The following SEMA5A variants were observed in gnomAD, a reference collection of about 807,000 sequenced individuals.
The protein encoded by SEMA5A is semaphorin-5A.
In SEMA5A, 55 loss-of-function variants were observed where a neutral mutation model predicts 135.5. That is an observed-to-expected ratio of 0.41 (90% CI 0.33 to 0.51). The LOEUF is 0.51. SEMA5A is among the 20% of genes least tolerant of loss of function. The probability of loss-of-function intolerance (pLI) is 0.37; values close to 1 mark genes in which losing one functional copy is unlikely to be tolerated. For synonymous variants in SEMA5A, 580 were observed against 546.5 expected (o/e 1.06, Z -0.85); for missense variants, 1,290 against 1,419.9 (o/e 0.91, Z 1.47).
chr5:9,374,747 C>T (rs1340914324), intron 3 of SEMA5A, among the ~76,000 whole-genome samples: 1 of 152,034 alleles, frequency 6.6e-6, no homozygotes. Flanking sequence ...CCTGCCTACC[C>T]CTCTTCAGCC....
At chr5:9,325,706 G>A (rs546980324) in intron 4 of SEMA5A, among the ~76,000 whole-genome samples, 20 of 152,180 alleles carry the variant, frequency 1.3e-4, no homozygotes, top group African/African-American at 4.8e-4. Flanking sequence ...ATTTCATCTA[G>A]AGACACTATA....
chr5:9,159,272 A>G (rs114405990), intron 11 of SEMA5A, among the ~76,000 whole-genome samples: 2 of 152,344 alleles, frequency 1.3e-5, no homozygotes, highest in African/African-American at 2.4e-5. Context: ...GATTATAACA[A>G]TGGACTCCAC....
intron 16 of SEMA5A, among the ~76,000 whole-genome samples, chr5:9,085,924 C>T (rs1300003684): frequency 6.6e-6 from 1 of 152,198 alleles, no homozygotes. Flanking sequence ...GGAAACCCAC[C>T]TCTTGCATCA....
At chr5:9,192,155 C>T (rs987618474) in intron 10 of SEMA5A, among the ~76,000 whole-genome samples, 5 of 152,200 alleles carry the variant, frequency 3.3e-5, no homozygotes, top group Non-Finnish European at 5.9e-5. Context: ...GGGCTCAGCC[C>T]TGCCATGACC....
chr5:9,510,033 ACT>A (rs1431281079), intron 1 of SEMA5A, among the ~76,000 whole-genome samples: 1 of 152,116 alleles, frequency 6.6e-6, no homozygotes, highest in Non-Finnish European at 1.5e-5. Context: ...CTAGGGAAGG[ACT>A]CTCTGGTGAG....
chr5:9,086,395 GT>G (rs1045926814), intron 16 of SEMA5A, among the ~76,000 whole-genome samples: 5 of 150,814 alleles, frequency 3.3e-5, no homozygotes, highest in Non-Finnish European at 5.9e-5. Context: ...ATGGAGGTGG[GT>G]TTTTTTCCTG....
At chr5:9,485,244 C>A (rs1226924490) in intron 1 of SEMA5A, among the ~76,000 whole-genome samples, 1 of 149,518 alleles carries the variant, frequency 6.7e-6, no homozygotes, top group South Asian at 2.1e-4. Context: ...CTCCCACCCC[C>A]AGGCCCTGGA....
At chr5:9,480,264 G>A (rs1759825923) in intron 1 of SEMA5A, among the ~76,000 whole-genome samples, 1 of 152,142 alleles carries the variant, frequency 6.6e-6, no homozygotes, top group South Asian at 2.1e-4. Flanking sequence ...ATATATTTTT[G>A]AGGCTAAAAA....
chr5:9,420,974 C>T (rs1401839401), intron 2 of SEMA5A, among the ~76,000 whole-genome samples: 2 of 152,220 alleles, frequency 1.3e-5, no homozygotes, highest in Non-Finnish European at 2.9e-5. Context: ...CGAGATCGCG[C>T]CACTGCACTC....
intron 2 of SEMA5A, among the ~76,000 whole-genome samples, chr5:9,433,681 A>G (rs1003536642): frequency 6.6e-6 from 1 of 152,056 alleles, no homozygotes; most frequent in Non-Finnish European, 1.5e-5. Context: ...AAAATTAGCA[A>G]AGAAACACAA....
At chr5:9,281,677 AGGGTAAGGCAAATC>A (rs1288314474) in intron 5 of SEMA5A, among the ~76,000 whole-genome samples, 2 of 152,188 alleles carry the variant, frequency 1.3e-5, no homozygotes, top group East Asian at 1.9e-4. Flanking sequence ...ATCACCAAAT[AGGGTAAGGCAAATC>A]GGGTAAGGCA....
intron 11 of SEMA5A, among the ~76,000 whole-genome samples, chr5:9,165,809 A>G (rs1287996328): frequency 6.6e-6 from 1 of 152,240 alleles, no homozygotes; most frequent in East Asian, 1.9e-4. Flanking sequence ...AGATCATTAT[A>G]TAAAGTTCAT....
chr5:9,439,294 C>T (rs3756724), intron 1 of SEMA5A, among the ~76,000 whole-genome samples: 37,908 of 152,132 alleles, frequency 0.25, 6,884 homozygotes, highest in African/African-American at 0.52. Flanking sequence ...CACCTTTGGG[C>T]GTGGCAACAA....
At chr5:9,331,967 A>C (rs1371112030) in intron 4 of SEMA5A, among the ~76,000 whole-genome samples, 3 of 152,232 alleles carry the variant, frequency 2.0e-5, no homozygotes, top group Admixed American at 2.0e-4. Context: ...ATATCTTCTG[A>C]TATCTAGAAA....
intron 1 of SEMA5A, among the ~76,000 whole-genome samples, chr5:9,483,362 C>G (rs1316167234): frequency 6.6e-6 from 1 of 152,148 alleles, no homozygotes; most frequent in South Asian, 2.1e-4. Context: ...CATAATGTGT[C>G]TGACAATTCC....
intron 5 of SEMA5A, among the ~76,000 whole-genome samples, chr5:9,310,802 C>CATATATATATAT (rs59096330): frequency 1.1e-4 from 16 of 146,234 alleles, no homozygotes; most frequent in South Asian, 2.1e-4. Flanking sequence ...TGCATATATA[C>CATATATATATAT]ATATATATAT....
intron 2 of SEMA5A, among the ~76,000 whole-genome samples, chr5:9,380,824 G>A (rs781349170): frequency 1.3e-5 from 2 of 152,162 alleles, no homozygotes; most frequent in Admixed American, 6.5e-5. Flanking sequence ...GGGAGAATAC[G>A]ACTGCTACAG....
chr5:9,063,182 T>C, intron 17 of SEMA5A, 77 bp from the exon 18 acceptor site: 1 of 1,366,294 alleles, frequency 7.3e-7, no homozygotes, highest in Non-Finnish European at 1.0e-6. Context: ...TTTCATTCTG[T>C]ATCTGCTGTC....
chr5:9,379,702 G>A (rs1222017869), intron 3 of SEMA5A, 121 bp downstream of exon 3: 2 of 1,208,822 alleles, frequency 1.7e-6, no homozygotes, highest in East Asian at 4.9e-5. Context: ...ATTTTAAACT[G>A]TGTCTGAAAC....
Sources: allele counts gnomAD v4.1 joint callset (sites outside exome capture counted in the v4.1 genomes callset), GRCh38; gene constraint gnomAD v4.1.1; transcripts MANE v1.5; gene names NCBI Gene and HGNC (gene_info 2026-07-23, HGNC 2026-07-21).